The following C12orf54 variants were observed in gnomAD, a reference collection of about 807,000 sequenced individuals.
The protein encoded by C12orf54 is chromosome 12 open reading frame 54, also known as uncharacterized protein C12orf54.
In C12orf54, 24 loss-of-function variants were observed where a neutral mutation model predicts 26.4. That is an observed-to-expected ratio of 0.91 (90% CI 0.66 to 1.28). The LOEUF (loss-of-function observed/expected upper bound fraction) is 1.28, where lower values mean the gene tolerates loss of function less well. Among genes scored for constraint, C12orf54 ranks in the 50% most tolerant of loss-of-function variants. The probability of loss-of-function intolerance (pLI) is 0.00; values close to 1 mark genes in which losing one functional copy is unlikely to be tolerated. For synonymous variants in C12orf54, 54 were observed against 47.0 expected, an observed-to-expected ratio of 1.15 and a Z score of -0.61; for missense variants, 154 against 150.9, an observed-to-expected ratio of 1.02 and a Z score of -0.11.
At chr12:48,459,177 C>T in the C12orf54 span, among the ~76,000 whole-genome samples, 2 of 152,140 alleles carry the variant, frequency 1.3e-5, no homozygotes, top group African/African-American at 4.8e-5. Flanking sequence ...TTTTTCTCTG[C>T]TTGATAGGTC....
At chr12:48,447,466 C>T in the C12orf54 span, among the ~76,000 whole-genome samples, 1 of 152,308 alleles carries the variant, frequency 6.6e-6, no homozygotes, top group Non-Finnish European at 1.5e-5. Context: ...TCTACCTGTG[C>T]TTTAGATAGA....
chr12:48,472,610 G>A, the C12orf54 span: 3 of 1,605,112 alleles, frequency 1.9e-6, no homozygotes, highest in South Asian at 1.1e-5. Flanking sequence ...GTGGGTTCGG[G>A]GTTTATTGGT....
At chr12:48,491,898 G>T (rs1937797502) in intron 6 of C12orf54, among the ~76,000 whole-genome samples, 1 of 152,118 alleles carries the variant, frequency 6.6e-6, no homozygotes, top group Non-Finnish European at 1.5e-5. Context: ...GGGTAGGCTT[G>T]AATTCTGAGA....
chr12:48,417,570 A>G, the C12orf54 span, among the ~76,000 whole-genome samples: 1 of 152,122 alleles, frequency 6.6e-6, no homozygotes. Flanking sequence ...TCTTTCAAAA[A>G]ATTTTTTTTA....
the C12orf54 span, among the ~76,000 whole-genome samples, chr12:48,446,959 T>C: frequency 2.0e-5 from 3 of 152,210 alleles, no homozygotes; most frequent in African/African-American, 7.2e-5. Context: ...AACTTCCATC[T>C]ATGAGCATTT....
At chr12:48,426,949 A>C in the C12orf54 span, among the ~76,000 whole-genome samples, 1 of 151,996 alleles carries the variant, frequency 6.6e-6, no homozygotes, top group Non-Finnish European at 1.5e-5. Flanking sequence ...AGCTTCACTA[A>C]AATGGTTTAT....
the C12orf54 span, among the ~76,000 whole-genome samples, chr12:48,445,410 C>T: frequency 1.3e-5 from 2 of 152,120 alleles, no homozygotes; most frequent in Admixed American, 6.5e-5. Context: ...TCTGCACTTT[C>T]GCATACCTCA....
the C12orf54 span, among the ~76,000 whole-genome samples, chr12:48,440,309 T>G: frequency 6.6e-6 from 1 of 151,202 alleles, no homozygotes; most frequent in Non-Finnish European, 1.5e-5. Context: ...TGCTGAGGAG[T>G]TCAAGGTGAA....
chr12:48,449,731 T>C, the C12orf54 span, among the ~76,000 whole-genome samples: 10 of 152,332 alleles, frequency 6.6e-5, no homozygotes, highest in African/African-American at 2.4e-4. Context: ...AAAATTTTAA[T>C]TAATGGATAT....
chr12:48,434,097 G>A, the C12orf54 span, among the ~76,000 whole-genome samples: 131 of 152,282 alleles, frequency 8.6e-4, no homozygotes, highest in Middle Eastern at 3.4e-3. Flanking sequence ...CTTAACAAAC[G>A]GCACACCAGG....
chr12:48,461,656 A>C, the C12orf54 span, among the ~76,000 whole-genome samples: 1 of 151,906 alleles, frequency 6.6e-6, no homozygotes, highest in Non-Finnish European at 1.5e-5. Context: ...AGAAATCAAA[A>C]AGGAAAATTA....
Position 48,483,324 on chromosome 12 carries a change from G to A in C12orf54, c.28G>A (p.Glu10Lys). Reference protein sequence around the residue: MAQHPCQDQEQKVEMTSKQQ... With the variant: MAQHPCQDQKQKVEMTSKQQ... ...GGCACAGCATCCCTGCCAGGATCAGGAACAAAAGGTAGAAATGACCTCCAA... is the reference window on the plus strand; with the variant it reads ...GGCACAGCATCCCTGCCAGGATCAGAAACAAAAGGTAGAAATGACCTCCAA... The change falls in exon 2 of 9, where the codon GAA becomes AAA. Residue 10 changes from glutamate (E) to lysine (K), a missense_variant. Physicochemically the swap from Glu to Lys is moderately conservative, Grantham distance 56. Coordinates refer to ENST00000548364, the MANE Select transcript of C12orf54 (RefSeq NM_152319.4). 1.2e-6 allele frequency: 2 copies of A among 1,613,974 alleles called. No individual in the cohort carries two copies. Among genetic ancestry groups the A allele is most frequent in the South Asian group, 2.2e-5 (2 of 91,072 alleles).
the C12orf54 span, among the ~76,000 whole-genome samples, chr12:48,434,481 C>A: frequency 6.6e-6 from 1 of 152,058 alleles, no homozygotes; most frequent in Non-Finnish European, 1.5e-5. Flanking sequence ...GGGTCCCTGA[C>A]CCCCAAGTAG....
chr12:48,465,005 G>A, the C12orf54 span, among the ~76,000 whole-genome samples: 1,157 of 152,030 alleles, frequency 7.6e-3, 15 homozygotes, highest in African/African-American at 0.026. Context: ...CATAGGAACC[G>A]GGCAATGATT....
At chr12:48,493,580 C>A (rs1022075400) in intron 7 of C12orf54, among the ~76,000 whole-genome samples, 1 of 141,586 alleles carries the variant, frequency 7.1e-6, no homozygotes, top group Non-Finnish European at 1.5e-5. Flanking sequence ...ATGATCATGC[C>A]ACTTCCCTCC....
At chr12:48,494,080 G>A (rs80228090) in intron 7 of C12orf54, among the ~76,000 whole-genome samples, 2,893 of 54,552 alleles carry the variant, frequency 0.053, 764 homozygotes, top group East Asian at 0.49. Context: ...TTAGCTGGGC[G>A]TGGTGGCAGG....
rs186853788 is a variant in C12orf54, at chr12:48,495,045, G to A, written c.*40+66G>A. The stretch of plus-strand genomic sequence containing the variant: ...CCCATCTGTGGTAGTCAGGAACCCA[G>A]GCCTCTTAGGCCCTCATCCCAACAT... On this transcript the variant is annotated intron_variant, in intron 8 of 8. Coordinates refer to ENST00000548364, the MANE Select transcript of C12orf54 (RefSeq NM_152319.4). 24 of 1,220,078 alleles carry A rather than the reference G, an allele frequency of 2.0e-5. No homozygotes were observed. The African/African-American group carries it at 2.8e-4, about 14-fold the overall frequency. The allele number at this position is 1,220,078 out of a possible 1,614,324, so 75.6% of individuals were successfully genotyped here. A position where few individuals can be genotyped will look rare whatever the true frequency, so the allele number is the denominator to read the frequency against.
the C12orf54 span, among the ~76,000 whole-genome samples, chr12:48,449,486 C>T: frequency 1.3e-5 from 2 of 152,108 alleles, no homozygotes; most frequent in African/African-American, 4.8e-5. Context: ...GGTTTGTAGG[C>T]CATGACTCCC....
chr12:48,475,495 GA>G, the C12orf54 span, among the ~76,000 whole-genome samples: 11 of 150,764 alleles, frequency 7.3e-5, no homozygotes, highest in South Asian at 2.1e-4. Flanking sequence ...TAAAAGCTTT[GA>G]AAAAAAAATT....
Sources: allele counts gnomAD v4.1 joint callset (sites outside exome capture counted in the v4.1 genomes callset), GRCh38; gene constraint gnomAD v4.1.1; transcripts MANE v1.5; gene names NCBI Gene and HGNC (gene_info 2026-07-23, HGNC 2026-07-21).